Variants in CROCC2 observed in about 807,000 individuals in gnomAD.
The protein encoded by CROCC2 is ciliary rootlet coiled-coil, rootletin family member 2.
A neutral mutation model predicts 177.6 loss-of-function variants in CROCC2; 163 were observed. That is an observed-to-expected ratio of 0.92 (90% CI 0.81 to 1.05). The LOEUF (loss-of-function observed/expected upper bound fraction) is 1.05, where lower values mean the gene tolerates loss of function less well. Among genes scored for constraint, CROCC2 ranks in the 50% least tolerant of loss-of-function variants. The pLI is 0.00. For missense variants in CROCC2, 1,929 were observed against 1,797.8 expected, an observed-to-expected ratio of 1.07 and a Z score of -1.32; for synonymous variants, 904 against 787.3, an observed-to-expected ratio of 1.15 and a Z score of -2.48.
Position 240,949,135 on chromosome 2 carries a change from G to C in CROCC2, c.2482+38G>C. ...CGCTCCCTCAGCTCCTTCCCCGAAA[G>C]TCAGCCATGGAGGGGCCCCTGGAAT... On this transcript the variant is annotated intron_variant, in intron 16 of 31. Transcript: ENST00000690015. This position sits in a 1 kb window ranked among gnomAD's most constrained non-coding sequence, Gnocchi z 4.5. 6.7e-7 allele frequency: 1 copy of C among 1,492,174 alleles called. No homozygotes were observed. Among genetic ancestry groups the C allele is most frequent in the East Asian group, 2.5e-5 (1 of 40,550 alleles). The allele number at this position is 1,492,174 out of a possible 1,614,324, so 92.4% of individuals were successfully genotyped here. A position where few individuals can be genotyped will look rare whatever the true frequency, so the allele number is the denominator to read the frequency against.
rs2059490554 is a variant in CROCC2, at chr2:240,940,676, C to T, written c.2169+5088C>T. 2.6e-5 allele frequency among the ~76,000 whole-genome samples: 4 copies of T among 152,132 alleles called. No homozygotes were observed. In the South Asian group the frequency reaches 6.2e-4, roughly 24 times the overall value. On this transcript the variant is annotated intron_variant, in intron 14 of 31. Coordinates refer to ENST00000690015, the MANE Select transcript of CROCC2 (RefSeq NM_001351305.2). ...TTATGATTAAAACCCTCAGGAAAGT[C>T]GGCATTGAAGGGACATACCTTAAGG... is the stretch of plus-strand genomic sequence containing the variant.
intron 18 of CROCC2, among the ~76,000 whole-genome samples, chr2:240,952,223 T>G (rs942517364): frequency 6.7e-6 from 1 of 149,548 alleles, no homozygotes; most frequent in Non-Finnish European, 1.5e-5. Context: ...GGTGGGGACC[T>G]GTAATCCCAG....
intron 1 of CROCC2, among the ~76,000 whole-genome samples, chr2:240,910,679 A>C (rs11685002): frequency 6.6e-6 from 1 of 151,996 alleles, no homozygotes; most frequent in African/African-American, 2.4e-5. Flanking sequence ...GTACCGGCTC[A>C]TAGTATTCTT....
rs890460287 is a variant in CROCC2 at position 240,965,744 on chromosome 2, C to T, written c.3712C>T (p.Arg1238Ter). Residue 1238 changes from arginine (R) to a stop codon, truncating the protein, a stop_gained, in exon 24 of 32, where the codon CGA becomes TGA. Transcript: ENST00000690015. LOFTEE classifies it high-confidence loss of function. ...GAGCCGGGGGGCTGAGCAGACCCTCCGAGCAGAGCTGCACAGTGTCACCAG... is the reference window on the plus strand; with the variant it reads ...GAGCCGGGGGGCTGAGCAGACCCTCTGAGCAGAGCTGCACAGTGTCACCAG... Reference protein sequence around the residue: ...RESRGAEQTLRAELHSVTRKL... With the variant: ...RESRGAEQTL 2.0e-5 allele frequency: 30 copies of T among 1,537,704 alleles called. No individual in the cohort carries two copies. The highest frequency in any genetic ancestry group is 2.7e-5 in the African/African-American group (2 of 72,844).
intron 5 of CROCC2, among the ~76,000 whole-genome samples, 170 bp from the exon 6 acceptor site, chr2:240,929,996 G>A (rs1314140555): frequency 6.6e-6 from 1 of 152,242 alleles, no homozygotes; most frequent in African/African-American, 2.4e-5. Context: ...ATGGCCCCAG[G>A]GTGGGGTTGG....
At chr2:240,970,008 G>A (rs566461089) in intron 27 of CROCC2, among the ~76,000 whole-genome samples, 93 of 152,300 alleles carry the variant, frequency 6.1e-4, no homozygotes, top group African/African-American at 2.1e-3. Flanking sequence ...GGGATTACAG[G>A]TGTGAGCCAC....
chr2:240,964,325 C>G (rs2059662359), intron 21 of CROCC2, 141 bp from the exon 22 acceptor site: 1 of 1,025,140 alleles, frequency 9.8e-7, no homozygotes, highest in Non-Finnish European at 1.4e-6. Flanking sequence ...GACAGGGAAC[C>G]CTGCAGAGGC....
At chr2:240,979,615 G>A (rs11904680) in intron 27 of CROCC2, among the ~76,000 whole-genome samples, 1,777 of 33,468 alleles carry the variant, frequency 0.053, 1 homozygote, top group East Asian at 0.16. Flanking sequence ...TCCCTGCTCA[G>A]GCTCTGGGGT....
At chr2:240,963,918 C>A in intron 21 of CROCC2, 145 bp downstream of exon 21, 2 of 813,822 alleles carry the variant, frequency 2.5e-6, no homozygotes, top group Non-Finnish European at 3.9e-6. Context: ...GCCAAGCAGG[C>A]CTCCCGCTGC....
At position 240,949,219 on chromosome 2, in the gene CROCC2, T is replaced by G. The variant is rs531449995; in HGVS notation, c.2482+122T>G. 4.0e-4 allele frequency: 575 copies of G among 1,436,612 alleles called. No individual in the cohort carries two copies. The highest frequency in any genetic ancestry group is 4.8e-4 in the Non-Finnish European group (531 of 1,099,326). The allele number at this position is 1,436,612 out of a possible 1,614,324, so 89.0% of individuals were successfully genotyped here. A position where few individuals can be genotyped will look rare whatever the true frequency, so the allele number is the denominator to read the frequency against. On this transcript the variant is annotated intron_variant, in intron 16 of 31. Coordinates refer to ENST00000690015, the MANE Select transcript of CROCC2 (RefSeq NM_001351305.2). This position sits in a 1 kb window ranked among gnomAD's most constrained non-coding sequence, Gnocchi z 4.5. Reference sequence around the variant, plus strand: ...TCCGGAGCCCACAGGGGCATGAACATGAGCTTGGAGCTCATGCGACTGAGC... The same window carrying G: ...TCCGGAGCCCACAGGGGCATGAACAGGAGCTTGGAGCTCATGCGACTGAGC...
In CROCC2 at chr2:240,988,786, G is replaced by A. The variant is rs2106494817; in HGVS notation, c.4599G>A (p.Gly1533=). The A allele has an allele frequency of 6.6e-7, 1 of 1,513,894 alleles. No homozygotes were observed. Among genetic ancestry groups the A allele is most frequent in the Non-Finnish European group, 8.9e-7 (1 of 1,124,992 alleles). 93.8% of individuals were successfully genotyped at this position (1,513,894 alleles called of 1,614,324 possible). The change falls in exon 29 of 32, where the codon GGG becomes GGA. Residue 1533 remains glycine (G), a synonymous_variant. Transcript: ENST00000690015. ...GGGAGGAGGATGTGGCGAGGCTGGG[G>A]GCTGAGAAGGAGCAGCTGGACCAGT... is the stretch of plus-strand genomic sequence containing the variant. ...LKREEDVARL[G]AEKEQLDQSL... is the part of the protein sequence containing the mutation.
At chr2:240,952,735 G>A (rs1032952590) in intron 18 of CROCC2, among the ~76,000 whole-genome samples, 18 of 152,312 alleles carry the variant, frequency 1.2e-4, no homozygotes, top group South Asian at 2.1e-4. Flanking sequence ...GGCCTTGGGC[G>A]CCAGCATCAG....
intron 31 of CROCC2, among the ~76,000 whole-genome samples, 172 bp from the exon 32 acceptor site, chr2:240,992,894 A>C (rs942051586): frequency 1.3e-5 from 2 of 152,250 alleles, no homozygotes; most frequent in Non-Finnish European, 2.9e-5. Flanking sequence ...CCCGCTCTGC[A>C]GCCCAGCAGA....
intron 11 of CROCC2, 33 bp from the exon 12 acceptor site, chr2:240,934,298 A>T: frequency 6.5e-7 from 1 of 1,544,250 alleles, no homozygotes; most frequent in South Asian, 1.2e-5. Context: ...GCTCACCCTG[A>T]GCGACCTCCC....
chr2:240,920,464 CA>C (rs1292518424), intron 3 of CROCC2, among the ~76,000 whole-genome samples: 4 of 152,182 alleles, frequency 2.6e-5, no homozygotes, highest in Non-Finnish European at 4.4e-5. Flanking sequence ...GTGGCCTGGC[CA>C]GTCCTGACTC....
In CROCC2 at chr2:240,910,859, A is replaced by C. The variant is rs527811784; in HGVS notation, c.78+4268A>C. ...AATTTCTTTTTTTCTGGCCGGGTGC[A>C]GTGACTCACACCTGTAATCCCAGCA... On this transcript the variant is annotated intron_variant, in intron 1 of 31. Coordinates refer to ENST00000690015, the MANE Select transcript of CROCC2 (RefSeq NM_001351305.2). Among the ~76,000 whole-genome samples, 278 of 152,242 alleles carry C rather than the reference A, an allele frequency of 1.8e-3. 1 individual carries two copies. In the South Asian group the frequency reaches 0.027, roughly 15 times the overall value.
chr2:240,948,638 G>T (rs904815546), intron 15 of CROCC2, among the ~76,000 whole-genome samples: 2 of 152,222 alleles, frequency 1.3e-5, no homozygotes, highest in Non-Finnish European at 2.9e-5. Context: ...GGGCACTGCT[G>T]TGTGTTGGTG....
In CROCC2 at chr2:240,906,412, C is replaced by G. The variant is rs1478570673; in HGVS notation, c.-102C>G. The G allele has an allele frequency of 2.5e-6, 1 of 398,450 alleles. No homozygotes were observed. The highest frequency in any genetic ancestry group is 3.6e-5 in the East Asian group (1 of 28,078). The allele number at this position is 398,450 out of a possible 1,614,324, so 24.7% of individuals were successfully genotyped here. A position where few individuals can be genotyped will look rare whatever the true frequency, so the allele number is the denominator to read the frequency against. On this transcript the variant is annotated 5_prime_UTR_variant, in exon 1 of 32. Coordinates refer to ENST00000690015, the MANE Select transcript of CROCC2 (RefSeq NM_001351305.2). ...CAAGACTGCAGAGCCAGGTGCCACA[C>G]AGGTGTGGGGCCCGTGGACCAAGGA...
intron 14 of CROCC2, among the ~76,000 whole-genome samples, chr2:240,940,001 G>A (rs575113239): frequency 9.8e-5 from 15 of 152,298 alleles, no homozygotes; most frequent in African/African-American, 3.4e-4. Flanking sequence ...CTATTGCTGA[G>A]TGCATTGTTC....
Sources: gnomAD v4.1 joint callset for allele counts (sites outside exome capture counted in the v4.1 genomes callset) on GRCh38, gnomAD v4.1.1 for gene constraint, Gnocchi (gnomAD v3.1) non-coding constraint, MANE v1.5 for transcripts, NCBI Gene and HGNC (gene_info 2026-07-23, HGNC 2026-07-21) for gene names.